The following MEI1 variants were observed in gnomAD, a reference collection of about 807,000 sequenced individuals.
MEI1 encodes the protein meiotic double-stranded break formation protein 1, also known as meiosis inhibitor protein 1.
A neutral mutation model predicts 146.2 loss-of-function variants in MEI1; 103 were observed. That is an observed-to-expected ratio of 0.70 (90% CI 0.60 to 0.83). The LOEUF (loss-of-function observed/expected upper bound fraction) is 0.83. Ranked by LOEUF, MEI1 falls within the 40% of genes least tolerant of loss-of-function variation. The pLI is 0.00. For synonymous variants in MEI1, 652 were observed against 628.2 expected (o/e 1.04, Z -0.57); for missense variants, 1,529 against 1,533.0 (o/e 1.00, Z 0.04).
intron 11 of MEI1, among the ~76,000 whole-genome samples, chr22:41,737,538 C>T (rs1241224901): frequency 6.6e-6 from 1 of 150,622 alleles, no homozygotes; most frequent in Non-Finnish European, 1.5e-5. Flanking sequence ...CGCGCCCGGC[C>T]TCTTTTTTTC....
intron 12 of MEI1, 49 bp from the exon 13 acceptor site, chr22:41,744,924 C>T: frequency 8.4e-7 from 1 of 1,195,410 alleles, no homozygotes; most frequent in Non-Finnish European, 1.2e-6. Flanking sequence ...TAGACTGAGA[C>T]ACAGCATATA....
chr22:41,770,178 C>T (rs1353525389), intron 19 of MEI1, among the ~76,000 whole-genome samples: 1 of 152,032 alleles, frequency 6.6e-6, no homozygotes, highest in Non-Finnish European at 1.5e-5. Context: ...CCCTTCACCC[C>T]TTCTGTGCCA....
chr22:41,715,329 A>C (rs1214155746), intron 4 of MEI1, among the ~76,000 whole-genome samples: 1 of 152,160 alleles, frequency 6.6e-6, no homozygotes, highest in African/African-American at 2.4e-5. Context: ...CCTGTAAAGC[A>C]TGAAGCATAG....
chr22:41,795,959 A>G lies in MEI1; in HGVS notation c.3779+112A>G. On this transcript the variant is annotated intron_variant, in intron 30 of 30. Transcript: ENST00000401548. The surrounding 1 kb of genome is among the most constrained non-coding windows in gnomAD (Gnocchi z 4.2). ...GGAGTAGCAGTGTCCTCTCTCATGA[A>G]GAGGTGGGTGATGTTCTGCAAGGTG... is the stretch of plus-strand genomic sequence containing the variant. 6.2e-7 allele frequency: 1 copy of G among 1,611,932 alleles called. No individual in the cohort carries two copies. Among genetic ancestry groups the G allele is most frequent in the South Asian group, 1.1e-5 (1 of 90,964 alleles).
At chr22:41,749,245 C>T (rs956458047) in intron 15 of MEI1, among the ~76,000 whole-genome samples, 2 of 151,940 alleles carry the variant, frequency 1.3e-5, no homozygotes, top group Non-Finnish European at 1.5e-5. Flanking sequence ...CCATGTAGGC[C>T]CTTGTTGGCC....
chr22:41,750,278 G>A (rs1176491797), intron 15 of MEI1, among the ~76,000 whole-genome samples: 4 of 152,220 alleles, frequency 2.6e-5, no homozygotes, highest in African/African-American at 4.8e-5. Flanking sequence ...GGAGAGGTAG[G>A]AAGGAAACCA....
chr22:41,745,099 G>T, intron 13 of MEI1, 35 bp downstream of exon 13: 1 of 1,401,748 alleles, frequency 7.1e-7, no homozygotes, highest in South Asian at 1.4e-5. Context: ...GTAATAGCAT[G>T]GAAGGTAGGG....
At chr22:41,786,112 G>T (rs938838523) in intron 26 of MEI1, among the ~76,000 whole-genome samples, 1 of 149,608 alleles carries the variant, frequency 6.7e-6, no homozygotes, top group Admixed American at 6.7e-5. Flanking sequence ...GGGTTTCACC[G>T]TGTTAGCCAG....
intron 14 of MEI1, 149 bp from the exon 15 acceptor site, chr22:41,747,958 T>C: frequency 1.6e-6 from 1 of 620,360 alleles, no homozygotes; most frequent in South Asian, 2.0e-5. Flanking sequence ...ATCCAAGCCT[T>C]AGATGTAGGT....
chr22:41,733,793 C>T (rs1485301871), intron 11 of MEI1, among the ~76,000 whole-genome samples: 2 of 152,020 alleles, frequency 1.3e-5, no homozygotes, highest in Non-Finnish European at 2.9e-5. Flanking sequence ...ATAGCATTTG[C>T]ATTGTATTAG....
chr22:41,779,021 C>T (rs2075616278), intron 22 of MEI1: 4 of 515,192 alleles, frequency 7.8e-6, no homozygotes, highest in East Asian at 3.4e-5. Flanking sequence ...GACACCCTAC[C>T]TCTGCAAAAA....
At chr22:41,793,154 A>G (rs2076245400) in intron 26 of MEI1, among the ~76,000 whole-genome samples, 1 of 142,756 alleles carries the variant, frequency 7.0e-6, no homozygotes, top group Non-Finnish European at 1.5e-5. Flanking sequence ...TATCTGCCTC[A>G]GCCGCCCAAG....
chr22:41,727,126 C>A (rs2071425398), intron 7 of MEI1, among the ~76,000 whole-genome samples: 1 of 151,716 alleles, frequency 6.6e-6, no homozygotes, highest in Non-Finnish European at 1.5e-5. Context: ...GTTTATGTGT[C>A]CACTTGTAAG....
chr22:41,731,250 T>C (rs2071837333), intron 9 of MEI1, among the ~76,000 whole-genome samples: 1 of 151,908 alleles, frequency 6.6e-6, no homozygotes, highest in Non-Finnish European at 1.5e-5. Context: ...AGATGGGGTT[T>C]TACCATGTTG....
chr22:41,719,632 C>T (rs2070557714), intron 6 of MEI1, among the ~76,000 whole-genome samples: 1 of 152,208 alleles, frequency 6.6e-6, no homozygotes, highest in African/African-American at 2.4e-5. Context: ...CCTGATACCG[C>T]TGCATTGGGG....
intron 3 of MEI1, among the ~76,000 whole-genome samples, chr22:41,711,076 T>C (rs757415212): frequency 1.3e-5 from 2 of 152,208 alleles, no homozygotes; most frequent in Non-Finnish European, 2.9e-5. Flanking sequence ...ATAGATGTTC[T>C]TTAGGGAGCA....
At chr22:41,748,471 G>C (rs1049532280) in intron 15 of MEI1, among the ~76,000 whole-genome samples, 9 of 151,704 alleles carry the variant, frequency 5.9e-5, no homozygotes, top group African/African-American at 2.2e-4. Flanking sequence ...ATCACCTGAG[G>C]CTAGGAGTTT....
chr22:41,784,287 T>C (rs1415238646), intron 24 of MEI1, 52 bp from the exon 25 acceptor site: 1 of 1,531,066 alleles, frequency 6.5e-7, no homozygotes, highest in Non-Finnish European at 9.0e-7. Flanking sequence ...GGTTATTTTC[T>C]GCCCAGGCTT....
Position 41,763,259 on chromosome 22 carries a change from G to A in MEI1, c.2206G>A (p.Val736Ile). The part of the protein sequence containing the change: ...QDQGERPPLV[V>I]FKASIYLLAI... Reference sequence around the variant, plus strand: ...CCAGGGCGAGCGCCCCCCACTGGTGGTCTTCAAAGCCTCCATCTATCTGCT... The same window carrying A: ...CCAGGGCGAGCGCCCCCCACTGGTGATCTTCAAAGCCTCCATCTATCTGCT... The change falls in exon 19 of 31, where the codon GTC becomes ATC. Residue 736 changes from valine (V) to isoleucine (I), a missense_variant. By Grantham distance (29) the Val-to-Ile change is conservative. Transcript: ENST00000401548. 1 of 1,613,908 alleles carries A rather than the reference G, an allele frequency of 6.2e-7. No individual in the cohort carries two copies. Among genetic ancestry groups the A allele is most frequent in the Non-Finnish European group, 8.5e-7 (1 of 1,179,842 alleles).
Sources: allele counts gnomAD v4.1 joint callset (sites outside exome capture counted in the v4.1 genomes callset), GRCh38; gene constraint gnomAD v4.1.1; non-coding constraint Gnocchi (gnomAD v3.1); transcripts MANE v1.5; gene names NCBI Gene and HGNC (gene_info 2026-07-23, HGNC 2026-07-21).